The following LRSAM1 variants were observed in gnomAD, a reference collection of about 807,000 sequenced individuals.
The protein encoded by LRSAM1 is leucine rich repeat and sterile alpha motif containing 1.
LRSAM1 carries 96 observed loss-of-function variants against 118.1 expected under a neutral mutation model. The ratio of observed to expected loss-of-function variants is 0.81; its 90% CI spans 0.69 to 0.96. The LOEUF is 0.96. Among genes scored for constraint, LRSAM1 ranks in the 40% least tolerant of loss-of-function variants. The pLI is 0.00. For synonymous variants in LRSAM1, 322 were observed against 364.2 expected (o/e 0.88, Z 1.32); for missense variants, 804 against 915.5 (o/e 0.88, Z 1.57).
chr9:127,487,387 G>A, intron 17 of LRSAM1: 2 of 384,376 alleles, frequency 5.2e-6, no homozygotes, highest in South Asian at 4.3e-5. Flanking sequence ...GGCAGAGGCA[G>A]GCATCCACTT....
chr9:127,463,902 G>A (rs1834839780), intron 9 of LRSAM1, among the ~76,000 whole-genome samples: 1 of 152,236 alleles, frequency 6.6e-6, no homozygotes. Context: ...CTACTTTGTA[G>A]ATGAAGAAAC....
intron 23 of LRSAM1, among the ~76,000 whole-genome samples, chr9:127,496,722 C>T (rs1836160093): frequency 6.6e-6 from 1 of 152,152 alleles, no homozygotes; most frequent in African/African-American, 2.4e-5. Flanking sequence ...AGTGTGGCCC[C>T]AGAGTTCGTG....
chr9:127,494,684 C>T (rs1310699156), intron 21 of LRSAM1, among the ~76,000 whole-genome samples: 1 of 152,136 alleles, frequency 6.6e-6, no homozygotes, highest in African/African-American at 2.4e-5. Context: ...TGGCTCACGC[C>T]TGTAATCCCA....
At position 127,466,475 on chromosome 9, in the gene LRSAM1, CAT is replaced by C. The variant is rs1167529804; in HGVS notation, c.529-1236_529-1235del. Among the ~76,000 whole-genome samples, 119 of 35,002 alleles carry C rather than the reference CAT, an allele frequency of 3.4e-3. 5 individuals carry two copies. Among genetic ancestry groups the C allele is most frequent in the East Asian group, 0.02 (19 of 942 alleles). 23.0% of individuals were successfully genotyped at this position (35,002 alleles called of 152,430 possible). On this transcript the variant is annotated intron_variant, in intron 9 of 25. Transcript: ENST00000300417. ...ATATATTATCTAACAAAGGAAGAAT[CAT>C]ATATATATATATATATATATATATA...
chr9:127,462,230 T>C (rs972239806), intron 8 of LRSAM1, 22 bp from the exon 9 acceptor site: 13 of 1,613,816 alleles, frequency 8.1e-6, no homozygotes, highest in Non-Finnish European at 1.1e-5. Flanking sequence ...GGTGTTGAGC[T>C]GTGCTATTGG....
chr9:127,502,977 C>G lies in LRSAM1; in HGVS notation c.*78C>G. On this transcript the variant is annotated 3_prime_UTR_variant, in exon 26 of 26. Coordinates refer to ENST00000300417, the MANE Select transcript of LRSAM1 (RefSeq NM_001005373.4). ...CCCCGGGCTCCTGCTCAGCCTTGTGCCAGCCAGACTCGTATGAGGCTCCCC... is the reference window on the plus strand; with the variant it reads ...CCCCGGGCTCCTGCTCAGCCTTGTGGCAGCCAGACTCGTATGAGGCTCCCC... 1.3e-6 allele frequency: 2 copies of G among 1,536,020 alleles called. No individual in the cohort carries two copies. Among genetic ancestry groups the G allele is most frequent in the South Asian group, 2.4e-5 (2 of 83,706 alleles).
intron 10 of LRSAM1, among the ~76,000 whole-genome samples, chr9:127,473,237 C>G (rs1311911980): frequency 6.6e-6 from 1 of 152,136 alleles, no homozygotes; most frequent in Non-Finnish European, 1.5e-5. Flanking sequence ...ACTTGTTTAC[C>G]CCGGAAGGAC....
At chr9:127,476,064 AG>A (rs1392387425) in intron 11 of LRSAM1, among the ~76,000 whole-genome samples, 2 of 152,206 alleles carry the variant, frequency 1.3e-5, no homozygotes. Context: ...TCATGGGCAC[AG>A]CCCGTGATCC....
intron 13 of LRSAM1, 99 bp from the exon 14 acceptor site, chr9:127,479,740 C>A: frequency 1.3e-6 from 2 of 1,508,650 alleles, no homozygotes; most frequent in East Asian, 2.3e-5. Flanking sequence ...AAAGGATTGG[C>A]AAGGCAGGGT....
intron 24 of LRSAM1, among the ~76,000 whole-genome samples, 158 bp from the exon 25 acceptor site, chr9:127,500,852 G>C (rs542545755): frequency 6.6e-6 from 1 of 152,340 alleles, no homozygotes; most frequent in South Asian, 2.1e-4. Context: ...GAAGAAGAGA[G>C]TGTGTGGCAA....
intron 25 of LRSAM1, among the ~76,000 whole-genome samples, chr9:127,502,216 G>C (rs1192305565): frequency 6.6e-6 from 1 of 152,236 alleles, no homozygotes; most frequent in Non-Finnish European, 1.5e-5. Flanking sequence ...ATTTAAGAAA[G>C]AATCAGTTGG....
At chr9:127,458,205 A>T (rs193107843) in intron 6 of LRSAM1, among the ~76,000 whole-genome samples, 2,359 of 151,758 alleles carry the variant, frequency 0.016, 53 homozygotes, top group African/African-American at 0.054. Context: ...ACATGGTGAA[A>T]CCCCGTCTCT....
chr9:127,451,944 G>A lies in LRSAM1; in HGVS notation c.-173G>A, dbSNP rs1834339654. On this transcript the variant is annotated 5_prime_UTR_variant, in exon 2 of 26. Coordinates refer to ENST00000300417, the MANE Select transcript of LRSAM1 (RefSeq NM_001005373.4). ...CTGTTCCCAGCACCTGCCTTTGAAG[G>A]AGACCAGACTCCGGCTCCGCCCGGC... The A allele has an allele frequency of 6.6e-6, 1 of 152,316 alleles. No homozygotes were observed. Among genetic ancestry groups the A allele is most frequent in the Non-Finnish European group, 1.5e-5 (1 of 68,082 alleles). The allele number at this position is 152,316 out of a possible 1,614,324, so 9.4% of individuals were successfully genotyped here. A position where few individuals can be genotyped will look rare whatever the true frequency, so the allele number is the denominator to read the frequency against.
intron 10 of LRSAM1, among the ~76,000 whole-genome samples, chr9:127,471,654 A>G (rs1835173197): frequency 6.6e-6 from 1 of 150,434 alleles, no homozygotes; most frequent in Non-Finnish European, 1.5e-5. Context: ...AGGCGTGGTG[A>G]TGCATGCCTG....
At position 127,492,818 on chromosome 9, in the gene LRSAM1, A is replaced by T; in HGVS notation, c.1520A>T (p.Gln507Leu). ...TESLQEMISE[Q>L]RWALSSLLQQ... ...TGTTCGCAGGAGATGATCTCGGAGC[A>T]GCGCTGGGCCCTCAGCTCCCTGCTC... Residue 507 changes from glutamine to leucine, a missense_variant, in exon 21 of 26, where the codon CAG (glutamine) becomes CTG (leucine). Physicochemically the swap from Gln to Leu is moderately radical, Grantham distance 113. Transcript: ENST00000300417. 6.2e-7 allele frequency: 1 copy of T among 1,613,852 alleles called. No individual in the cohort carries two copies. The highest frequency in any genetic ancestry group is 1.1e-5 in the South Asian group (1 of 91,064).
At chr9:127,469,830 T>C (rs1009285469) in intron 10 of LRSAM1, among the ~76,000 whole-genome samples, 5 of 152,108 alleles carry the variant, frequency 3.3e-5, no homozygotes, top group East Asian at 1.9e-4. Flanking sequence ...CAAGGCGTGG[T>C]GGCGGGCGCC....
At chr9:127,499,602 CT>C (rs1836294384) in intron 24 of LRSAM1, among the ~76,000 whole-genome samples, 1 of 151,672 alleles carries the variant, frequency 6.6e-6, no homozygotes, top group Admixed American at 6.6e-5. Flanking sequence ...CACTGATAGC[CT>C]TAGAGGGTCT....
At chr9:127,460,370 G>A (rs1302360164) in intron 7 of LRSAM1, among the ~76,000 whole-genome samples, 1 of 152,186 alleles carries the variant, frequency 6.6e-6, no homozygotes, top group African/African-American at 2.4e-5. Context: ...CCACCTTCTG[G>A]AGGGAGCACA....
At chr9:127,463,292 C>T (rs1834818040) in intron 9 of LRSAM1, among the ~76,000 whole-genome samples, 1 of 151,278 alleles carries the variant, frequency 6.6e-6, no homozygotes, top group Admixed American at 6.6e-5. Context: ...CAGATTGTCT[C>T]AGGGAGGGTC....
Sources: gnomAD v4.1 joint callset for allele counts (sites outside exome capture counted in the v4.1 genomes callset) on GRCh38, gnomAD v4.1.1 for gene constraint, MANE v1.5 for transcripts, NCBI Gene and HGNC (gene_info 2026-07-23, HGNC 2026-07-21) for gene names.